Variants in MSH3 observed in about 807,000 individuals in gnomAD.
MSH3 encodes DNA mismatch repair protein Msh3.
MSH3 carries 106 observed loss-of-function variants against 123.3 expected under a neutral mutation model. The ratio of observed to expected loss-of-function variants is 0.86; its 90% CI spans 0.73 to 1.01. The LOEUF is 1.01. Among genes scored for constraint, MSH3 ranks in the 50% least tolerant of loss-of-function variants. MSH3 has a pLI of 0.00. For missense variants in MSH3, 1,459 were observed against 1,347.6 expected, an observed-to-expected ratio of 1.08 and a Z score of -1.29; for synonymous variants, 515 against 481.4, an observed-to-expected ratio of 1.07 and a Z score of -0.91.
chr5:80,778,778 A>T lies in MSH3; in HGVS notation c.2377A>T (p.Asn793Tyr), dbSNP rs1265838949. The change falls in exon 17 of 24, where the codon AAT becomes TAT. Residue 793 changes from asparagine (N) to tyrosine (Y), a missense_variant. By Grantham distance (143) the Asn-to-Tyr change is moderately radical (BLOSUM62 -2). Transcript: ENST00000265081. Reference protein sequence around the residue: ...PFIVENYRHLNQLREQLVLDC... With the variant: ...PFIVENYRHLYQLREQLVLDC... ...TATTGTAGAAAATTACAGACATCTG[A>T]ATCAGCTCCGGGAGCAGCTAGTCCT... is the stretch of plus-strand genomic sequence containing the variant. The T allele has an allele frequency of 6.2e-7, 1 of 1,613,400 alleles. No homozygotes were observed. The highest frequency in any genetic ancestry group is 1.3e-5 in the African/African-American group (1 of 74,906).
chr5:80,734,760 A>G (rs1743472510), intron 10 of MSH3, among the ~76,000 whole-genome samples: 2 of 152,164 alleles, frequency 1.3e-5, no homozygotes, highest in African/African-American at 2.4e-5. Flanking sequence ...ACCCTTCAGC[A>G]GATCTCTGGA....
rs1331321777 is a variant in MSH3 at position 80,741,460 on chromosome 5, A to G, written c.1569-4A>G. 10 of 1,536,002 alleles carry G rather than the reference A, an allele frequency of 6.5e-6. No homozygotes were observed. The highest frequency in any genetic ancestry group is 9.0e-6 in the Non-Finnish European group (10 of 1,108,714). Reference sequence around the variant, plus strand: ...TAGGCTAATTATATTTGATTCTTTTACAGGAATTTTAAACAGCTATCAAGT... The same window carrying G: ...TAGGCTAATTATATTTGATTCTTTTGCAGGAATTTTAAACAGCTATCAAGT... On this transcript the variant is annotated splice_region_variant and splice_polypyrimidine_tract_variant and intron_variant, in intron 10 of 23. Transcript: ENST00000265081.
chr5:80,764,337 C>A (rs1026696709), intron 13 of MSH3, among the ~76,000 whole-genome samples: 1 of 151,778 alleles, frequency 6.6e-6, no homozygotes, highest in African/African-American at 2.4e-5. Flanking sequence ...GATAGAGGAT[C>A]TCAAGTGAGC....
intron 22 of MSH3, among the ~76,000 whole-genome samples, chr5:80,869,758 ATC>A (rs747891879): frequency 6.6e-4 from 98 of 148,518 alleles, no homozygotes; most frequent in Non-Finnish European, 1.2e-3. Context: ...TGTTACAACT[ATC>A]TCTTGTGCAC....
intron 12 of MSH3, among the ~76,000 whole-genome samples, chr5:80,753,280 G>C (rs1371183979): frequency 3.3e-5 from 5 of 152,124 alleles, no homozygotes; most frequent in African/African-American, 1.2e-4. Context: ...ATGGCAGGGG[G>C]AAGGCTGGGT....
intron 15 of MSH3, among the ~76,000 whole-genome samples, chr5:80,771,212 A>G (rs1744207806): frequency 6.6e-6 from 1 of 152,210 alleles, no homozygotes; most frequent in Non-Finnish European, 1.5e-5. Context: ...AAACGACTAC[A>G]GTGGCTCACA....
At chr5:80,847,875 A>G (rs1745751329) in intron 20 of MSH3, among the ~76,000 whole-genome samples, 1 of 152,164 alleles carries the variant, frequency 6.6e-6, no homozygotes, top group African/African-American at 2.4e-5. Context: ...TGTACTTTAC[A>G]TTTCTTGGTC....
At chr5:80,714,239 G>A (rs1248204346) in intron 8 of MSH3, among the ~76,000 whole-genome samples, 3 of 147,516 alleles carry the variant, frequency 2.0e-5, no homozygotes, top group East Asian at 2.0e-4. Context: ...GGGTTCAAGC[G>A]ATTCTCCTGC....
At chr5:80,703,691 A>C (rs762169415) in intron 8 of MSH3, among the ~76,000 whole-genome samples, 8 of 152,096 alleles carry the variant, frequency 5.3e-5, no homozygotes, top group Non-Finnish European at 1.2e-4. Flanking sequence ...CTTCTGTAAC[A>C]ACAGTGCACA....
intron 22 of MSH3, among the ~76,000 whole-genome samples, chr5:80,870,778 A>G (rs1746198847): frequency 6.7e-6 from 1 of 150,148 alleles, no homozygotes; most frequent in Non-Finnish European, 1.5e-5. Context: ...TTGGCTTTTT[A>G]AATTTTCACT....
rs1389382498 is a variant in MSH3, at chr5:80,812,597, T to TTA, written c.2656-986_2656-985insAT. ...GGCTGGTTCTGGCTTTTTTTTTTTTTTTTTGAGATGGAGTCTCACTCTCAC... is the reference window on the plus strand; with the variant it reads ...GGCTGGTTCTGGCTTTTTTTTTTTTTTATTTTGAGATGGAGTCTCACTCTCAC... On this transcript the variant is annotated intron_variant, in intron 19 of 23. Transcript: ENST00000265081. 3.3e-5 allele frequency among the ~76,000 whole-genome samples: 5 copies of TTA among 150,510 alleles called. No homozygotes were observed. The South Asian group carries it at 6.4e-4, about 19-fold the overall frequency.
At chr5:80,859,398 T>C (rs1325368399) in intron 21 of MSH3, among the ~76,000 whole-genome samples, 4 of 152,200 alleles carry the variant, frequency 2.6e-5, no homozygotes, top group Non-Finnish European at 4.4e-5. Context: ...AGCGCTGGGA[T>C]TGCAAGTGTG....
At chr5:80,738,080 A>G (rs1424898768) in intron 10 of MSH3, among the ~76,000 whole-genome samples, 3 of 152,222 alleles carry the variant, frequency 2.0e-5, no homozygotes, top group Non-Finnish European at 4.4e-5. Flanking sequence ...CGTTAATACC[A>G]TTGATTAAAA....
chr5:80,863,979 G>A (rs1165757696), intron 21 of MSH3, among the ~76,000 whole-genome samples: 3 of 152,098 alleles, frequency 2.0e-5, no homozygotes, highest in Admixed American at 2.0e-4. Context: ...GAAAACAAAG[G>A]GTGAAGGGGA....
intron 17 of MSH3, among the ~76,000 whole-genome samples, chr5:80,781,352 A>G (rs895294086): frequency 1.9e-4 from 29 of 152,158 alleles, no homozygotes; most frequent in African/African-American, 6.3e-4. Context: ...ACATAATTTC[A>G]TAGATCTGGC....
chr5:80,876,027 C>T lies in MSH3; in HGVS notation c.*165C>T, dbSNP rs1746303244. On this transcript the variant is annotated 3_prime_UTR_variant, in exon 24 of 24. Transcript: ENST00000265081. ...AGGTTTTTCTGAAGACAGTCTTTTTCAAGTTTCTGTCTTCCTAACTTTTCT... is the reference window on the plus strand; with the variant it reads ...AGGTTTTTCTGAAGACAGTCTTTTTTAAGTTTCTGTCTTCCTAACTTTTCT... 2 of 616,018 alleles carry T rather than the reference C, an allele frequency of 3.2e-6. No individual in the cohort carries two copies. Among genetic ancestry groups the T allele is most frequent in the Non-Finnish European group, 5.8e-6 (2 of 346,820 alleles). The allele number at this position is 616,018 out of a possible 1,614,324, so 38.2% of individuals were successfully genotyped here.
intron 19 of MSH3, among the ~76,000 whole-genome samples, chr5:80,812,639 T>C (rs1745028723): frequency 7.0e-6 from 1 of 142,904 alleles, no homozygotes; most frequent in African/African-American, 2.6e-5. Flanking sequence ...TGGAATGCAG[T>C]GGTGCTGTCT....
rs888584479 is a variant in MSH3, at chr5:80,665,034, A to G, written c.359-109A>G. 7.7e-6 allele frequency: 6 copies of G among 777,190 alleles called. No individual in the cohort carries two copies. The African/African-American group carries it at 1.1e-4, about 14-fold the overall frequency. 48.1% of individuals were successfully genotyped at this position (777,190 alleles called of 1,614,324 possible). A position where few individuals can be genotyped will look rare whatever the true frequency, so the allele number is the denominator to read the frequency against. ...AAAAAATCACATTATAGTTAGATTC[A>G]TTGCTTTATTGGGAATCTACCTCTT... On this transcript the variant is annotated intron_variant, in intron 2 of 23. Transcript: ENST00000265081.
At chr5:80,770,523 T>C (rs939742550) in intron 15 of MSH3, among the ~76,000 whole-genome samples, 5 of 152,158 alleles carry the variant, frequency 3.3e-5, no homozygotes, top group Non-Finnish European at 7.4e-5. Context: ...TGCCTACATA[T>C]ATTATTTAAT....
Sources: allele counts gnomAD v4.1 joint callset (sites outside exome capture counted in the v4.1 genomes callset), GRCh38; gene constraint gnomAD v4.1.1; transcripts MANE v1.5; gene names NCBI Gene and HGNC (gene_info 2026-07-23, HGNC 2026-07-21).